Variants in PAIP2B observed in about 807,000 individuals in gnomAD.
PAIP2B encodes the protein poly(A) binding protein interacting protein 2B.
In PAIP2B, 13 loss-of-function variants were observed where a neutral mutation model predicts 17.0. That is an observed-to-expected ratio of 0.76 (90% CI 0.50 to 1.22). The LOEUF (loss-of-function observed/expected upper bound fraction) is 1.22. Ranked by LOEUF, PAIP2B falls within the 50% of genes most tolerant of loss-of-function variation. The pLI, the probability that PAIP2B is intolerant of heterozygous loss-of-function variation, is 0.00. For missense variants in PAIP2B, 117 were observed against 144.5 expected, an observed-to-expected ratio of 0.81 and a Z score of 0.98; for synonymous variants, 43 against 48.7, an observed-to-expected ratio of 0.88 and a Z score of 0.48.
At chr2:71,205,793 G>A (rs1223450235) in intron 1 of PAIP2B, among the ~76,000 whole-genome samples, 1 of 152,194 alleles carries the variant, frequency 6.6e-6, no homozygotes, top group East Asian at 1.9e-4. Context: ...AAGAAAATAT[G>A]CCCAAAGCTT....
At chr2:71,214,314 A>G (rs942410775) in intron 1 of PAIP2B, among the ~76,000 whole-genome samples, 4 of 152,234 alleles carry the variant, frequency 2.6e-5, no homozygotes, top group Non-Finnish European at 5.9e-5. Context: ...TTTGATCTCA[A>G]ATATTAAAAA....
chr2:71,226,291 GT>G (rs1675722659), intron 1 of PAIP2B, among the ~76,000 whole-genome samples: 1 of 152,176 alleles, frequency 6.6e-6, no homozygotes, highest in East Asian at 1.9e-4. Context: ...GAAAATGTTA[GT>G]TTTCTGGAGA....
rs1674467460 is a variant in PAIP2B, at chr2:71,184,026, A to C, written c.*4453T>G. The C allele has an allele frequency of 6.6e-6, 1 of 152,244 alleles. No homozygotes were observed. The highest frequency in any genetic ancestry group is 2.4e-5 in the African/African-American group (1 of 41,464). The allele number at this position is 152,244 out of a possible 1,614,324, so 9.4% of individuals were successfully genotyped here. ...TCATAATCAACAGGACAGAATAACT[A>C]CTTAGTGATGATTTACAGAGTGAAA... On this transcript the variant is annotated 3_prime_UTR_variant, in exon 4 of 4. Transcript: ENST00000244221.
intron 1 of PAIP2B, among the ~76,000 whole-genome samples, chr2:71,210,340 G>C (rs1226182166): frequency 6.6e-6 from 1 of 152,116 alleles, no homozygotes; most frequent in Non-Finnish European, 1.5e-5. Flanking sequence ...AAAGGTTCCA[G>C]GTAAATTTCA....
chr2:71,194,918 T>C (rs1027658964), intron 2 of PAIP2B, among the ~76,000 whole-genome samples: 4 of 152,214 alleles, frequency 2.6e-5, no homozygotes, highest in Non-Finnish European at 4.4e-5. Context: ...ACCTAGTTTA[T>C]TGAGAGTTTT....
rs1675543147 is a variant in PAIP2B, at chr2:71,220,170, CTCTCA to C, written c.-12+6753_-12+6757del. On this transcript the variant is annotated intron_variant, in intron 1 of 3. Coordinates refer to ENST00000244221, the MANE Select transcript of PAIP2B (RefSeq NM_020459.1). ...ACACCAAATTCATTTCCGAAGGTGC[CTCTCA>C]TGAGGCCTCTATTTAAATTACTGCA... Among the ~76,000 whole-genome samples, 4 of 152,270 alleles carry C rather than the reference CTCTCA, an allele frequency of 2.6e-5. No individual in the cohort carries two copies. In the South Asian group the frequency reaches 8.3e-4, roughly 32 times the overall value.
rs1417507914 is a variant in PAIP2B at position 71,184,756 on chromosome 2, C to G, written c.*3723G>C. 1 of 152,186 alleles carries G rather than the reference C, an allele frequency of 6.6e-6. No homozygotes were observed. The highest frequency in any genetic ancestry group is 1.9e-4 in the East Asian group (1 of 5,188). 9.4% of individuals were successfully genotyped at this position (152,186 alleles called of 1,614,324 possible). A position where few individuals can be genotyped will look rare whatever the true frequency, so the allele number is the denominator to read the frequency against. The stretch of plus-strand genomic sequence containing the variant: ...CCCCCACTACACACCAAATTAGAGT[C>G]AATCCTCCTGTTCTCCCCACCCACT... On this transcript the variant is annotated 3_prime_UTR_variant, in exon 4 of 4. Transcript: ENST00000244221.
rs963635887 is a variant in PAIP2B at position 71,185,512 on chromosome 2, G to A, written c.*2967C>T. 5 of 150,626 alleles carry A rather than the reference G, an allele frequency of 3.3e-5. No individual in the cohort carries two copies. Among genetic ancestry groups the A allele is most frequent in the Non-Finnish European group, 5.9e-5 (4 of 67,904 alleles). 9.3% of individuals were successfully genotyped at this position (150,626 alleles called of 1,614,324 possible). A position where few individuals can be genotyped will look rare whatever the true frequency, so the allele number is the denominator to read the frequency against. On this transcript the variant is annotated 3_prime_UTR_variant, in exon 4 of 4. Transcript: ENST00000244221. ...GAGCCTAGGAATTTGATGCTGCAGT[G>A]AGCTATGGTCATACCACTGCACTCC... is the stretch of plus-strand genomic sequence containing the variant.
At chr2:71,199,355 AC>A (rs1437487861) in intron 2 of PAIP2B, among the ~76,000 whole-genome samples, 2 of 151,616 alleles carry the variant, frequency 1.3e-5, no homozygotes, top group African/African-American at 4.9e-5. Context: ...GAATATATCT[AC>A]CCTGATTTTT....
chr2:71,208,944 C>T (rs1675217127), intron 1 of PAIP2B, among the ~76,000 whole-genome samples: 1 of 152,166 alleles, frequency 6.6e-6, no homozygotes, highest in South Asian at 2.1e-4. Context: ...GGACTTCTGG[C>T]CTCCAGAACT....
At chr2:71,213,252 T>C (rs1675345562) in intron 1 of PAIP2B, among the ~76,000 whole-genome samples, 2 of 152,148 alleles carry the variant, frequency 1.3e-5, no homozygotes, top group South Asian at 2.1e-4. Context: ...AGGGATCACA[T>C]GTTCATTTTC....
At chr2:71,191,936 T>C (rs1572920819) in intron 2 of PAIP2B, among the ~76,000 whole-genome samples, 2 of 152,280 alleles carry the variant, frequency 1.3e-5, no homozygotes, top group South Asian at 4.1e-4. Context: ...AACCCTCACC[T>C]CATGTACTTC....
chr2:71,208,762 T>C (rs1036420804), intron 1 of PAIP2B, among the ~76,000 whole-genome samples: 2 of 151,972 alleles, frequency 1.3e-5, no homozygotes, highest in Admixed American at 6.6e-5. Context: ...CAGAGGGAGA[T>C]TTAACACACA....
At chr2:71,209,403 T>C (rs966476939) in intron 1 of PAIP2B, among the ~76,000 whole-genome samples, 9 of 151,886 alleles carry the variant, frequency 5.9e-5, no homozygotes, top group African/African-American at 1.9e-4. Context: ...GTGTAGGTCC[T>C]GGGAAGGCAG....
In PAIP2B at chr2:71,183,527, G is replaced by T. The variant is rs1220675241; in HGVS notation, c.*4952C>A. ...GAGGGTTCCGTTTAGACAACAGGAA[G>T]TTGGAATCCAAGTTTAAAAGGCTCT... On this transcript the variant is annotated 3_prime_UTR_variant, in exon 4 of 4. Transcript: ENST00000244221. 1.5e-5 allele frequency: 2 copies of T among 137,888 alleles called. No homozygotes were observed. The highest frequency in any genetic ancestry group is 3.1e-5 in the Non-Finnish European group (2 of 64,980). 8.5% of individuals were successfully genotyped at this position (137,888 alleles called of 1,614,324 possible).
In PAIP2B at chr2:71,187,090, AG is replaced by A. The variant is rs917957459; in HGVS notation, c.*1388del. The A allele has an allele frequency of 6.6e-6, 1 of 152,280 alleles. No individual in the cohort carries two copies. Among genetic ancestry groups the A allele is most frequent in the Non-Finnish European group, 1.5e-5 (1 of 68,108 alleles). 9.4% of individuals were successfully genotyped at this position (152,280 alleles called of 1,614,324 possible). ...TCAGAAAGAAGCCACTATTATCTTCAGGGCTCTCCAATTCCTCATCCCTGGG... is the reference window on the plus strand; with the variant it reads ...TCAGAAAGAAGCCACTATTATCTTCAGGCTCTCCAATTCCTCATCCCTGGG... On this transcript the variant is annotated 3_prime_UTR_variant, in exon 4 of 4. Coordinates refer to ENST00000244221, the MANE Select transcript of PAIP2B (RefSeq NM_020459.1).
chr2:71,193,418 G>A lies in PAIP2B; in HGVS notation c.139-3397C>T, dbSNP rs573980719. Among the ~76,000 whole-genome samples the A allele has an allele frequency of 4.2e-3, 634 of 152,234 alleles. 4 individuals carry two copies. The highest frequency in any genetic ancestry group is 5.7e-3 in the Non-Finnish European group (390 of 68,014). On this transcript the variant is annotated intron_variant, in intron 2 of 3. Coordinates refer to ENST00000244221, the MANE Select transcript of PAIP2B (RefSeq NM_020459.1). Reference sequence around the variant, plus strand: ...TACTCTGTTGATAGTTTCTTTTGCTGTACAGAAGTTCTTAAGTTATTTAGA... The same window carrying A: ...TACTCTGTTGATAGTTTCTTTTGCTATACAGAAGTTCTTAAGTTATTTAGA...
At chr2:71,202,422 A>G in intron 2 of PAIP2B, 30 bp downstream of exon 2, 1 of 1,606,868 alleles carries the variant, frequency 6.2e-7, no homozygotes, top group Non-Finnish European at 8.5e-7. Flanking sequence ...ATGTATCATC[A>G]ATCTTCCACT....
chr2:71,215,715 A>G (rs1018549898), intron 1 of PAIP2B, among the ~76,000 whole-genome samples: 4 of 152,366 alleles, frequency 2.6e-5, no homozygotes, highest in Middle Eastern at 3.4e-3. Context: ...TGTGGCTTCC[A>G]CAGTTTCTTT....
Sources: allele counts gnomAD v4.1 joint callset (sites outside exome capture counted in the v4.1 genomes callset), GRCh38; gene constraint gnomAD v4.1.1; transcripts MANE v1.5; gene names NCBI Gene and HGNC (gene_info 2026-07-23, HGNC 2026-07-21).